The following STK3 variants were observed in gnomAD, a reference collection of about 807,000 sequenced individuals.
The protein encoded by STK3 is serine/threonine kinase 3.
STK3 carries 41 observed loss-of-function variants against 58.0 expected under a neutral mutation model. That is an observed-to-expected ratio of 0.71 (90% CI 0.55 to 0.92). The LOEUF is 0.92. STK3 is among the 40% of genes least tolerant of loss of function. The probability of loss-of-function intolerance (pLI) is 0.00; values close to 1 mark genes in which losing one functional copy is unlikely to be tolerated. For synonymous variants in STK3, 170 were observed against 191.0 expected (o/e 0.89, Z 0.91); for missense variants, 479 against 602.7 (o/e 0.79, Z 2.15).
At chr8:98,650,359 G>C (rs1820783131) in intron 6 of STK3, among the ~76,000 whole-genome samples, 1 of 152,244 alleles carries the variant, frequency 6.6e-6, no homozygotes, top group South Asian at 2.1e-4. Context: ...CCGGAGGGCA[G>C]CCAAGATGAC....
chr8:98,555,780 A>G (rs1811542025), intron 8 of STK3, among the ~76,000 whole-genome samples: 2 of 152,172 alleles, frequency 1.3e-5, no homozygotes, highest in Admixed American at 6.6e-5. Flanking sequence ...TGTAACAAAC[A>G]TACTACAAAT....
chr8:98,750,530 G>A (rs1198232128), intron 3 of STK3, among the ~76,000 whole-genome samples: 2 of 151,320 alleles, frequency 1.3e-5, no homozygotes, highest in Non-Finnish European at 2.9e-5. Context: ...GAGGTTAAGA[G>A]AAGACTGTCA....
At chr8:98,583,843 G>T (rs1261765113) in intron 7 of STK3, among the ~76,000 whole-genome samples, 1 of 147,688 alleles carries the variant, frequency 6.8e-6, no homozygotes, top group Non-Finnish European at 1.5e-5. Context: ...GAGAGAGAGT[G>T]TATGTGTGTG....
At chr8:98,850,261 A>G (rs1191123411) in intron 3 of STK3, among the ~76,000 whole-genome samples, 1 of 152,094 alleles carries the variant, frequency 6.6e-6, no homozygotes, top group Non-Finnish European at 1.5e-5. Flanking sequence ...ACAGCTTTGA[A>G]CTCCTGGACT....
intron 1 of STK3, among the ~76,000 whole-genome samples, chr8:98,814,275 T>C (rs1465569408): frequency 6.6e-6 from 1 of 151,818 alleles, no homozygotes; most frequent in African/African-American, 2.4e-5. Flanking sequence ...GGTCTCGAAC[T>C]CCTGACCTCA....
intron 6 of STK3, among the ~76,000 whole-genome samples, chr8:98,620,833 A>T (rs1470798369): frequency 6.6e-6 from 1 of 151,944 alleles, no homozygotes; most frequent in South Asian, 2.1e-4. Context: ...GTTTCTAAAT[A>T]TATTTTTGTT....
rs968753796 is a variant in STK3 at position 98,788,310 on chromosome 8, C to T, written c.27-13491G>A. On this transcript the variant is annotated intron_variant, in intron 1 of 10. Transcript: ENST00000419617. ...AAAATTAGCCGGGCGTGGTGGTGCG[C>T]GCCTGTAATCCCAGCTACTCAGGAG... 7.3e-5 allele frequency among the ~76,000 whole-genome samples: 11 copies of T among 151,720 alleles called. No homozygotes were observed. In the East Asian group the frequency reaches 7.7e-4, roughly 11 times the overall value.
chr8:98,862,794 T>C (rs559541593), intron 3 of STK3, among the ~76,000 whole-genome samples: 34 of 152,360 alleles, frequency 2.2e-4, no homozygotes, highest in Middle Eastern at 6.8e-3. Context: ...GTGACCTATG[T>C]GAGGCTCTTA....
chr8:98,647,103 C>G (rs1181170155), intron 6 of STK3, among the ~76,000 whole-genome samples: 1 of 152,142 alleles, frequency 6.6e-6, no homozygotes, highest in Non-Finnish European at 1.5e-5. Flanking sequence ...ACTTCTTTGT[C>G]CCTAGATCAC....
downstream of STK3, among the ~76,000 whole-genome samples, chr8:98,371,069 G>A (rs1407857161): frequency 6.6e-6 from 1 of 152,196 alleles, no homozygotes; most frequent in Non-Finnish European, 1.5e-5. Flanking sequence ...GAAGGTCCCA[G>A]AGGAGCACCC....
downstream of STK3, chr8:98,881,219 G>A (rs1837779999): frequency 3.9e-5 from 6 of 152,136 alleles, no homozygotes; most frequent in Admixed American, 3.9e-4. Context: ...ATCAAGCCAC[G>A]AAAAGACATA....
In STK3 at chr8:98,652,127, G is replaced by A. The variant is rs149464222; in HGVS notation, c.684+54340C>T. Among the ~76,000 whole-genome samples, 843 of 152,256 alleles carry A rather than the reference G, an allele frequency of 5.5e-3. 9 individuals carry two copies. Among genetic ancestry groups the A allele is most frequent in the African/African-American group, 0.019 (801 of 41,556 alleles). ...AAGGGAAGCCCCTCAGACCAACAGCGGATCTCTCGGCAAAACTCTACAAGC... is the reference window on the plus strand; with the variant it reads ...AAGGGAAGCCCCTCAGACCAACAGCAGATCTCTCGGCAAAACTCTACAAGC... On this transcript the variant is annotated intron_variant, in intron 6 of 10. Transcript: ENST00000419617.
At chr8:98,673,559 T>C (rs1001978054) in intron 6 of STK3, among the ~76,000 whole-genome samples, 2 of 151,278 alleles carry the variant, frequency 1.3e-5, no homozygotes, top group Admixed American at 6.6e-5. Context: ...TATAAATCCA[T>C]AAAGACAGAA....
intron 3 of STK3, among the ~76,000 whole-genome samples, chr8:98,421,583 CTGGCT>C (rs1344245455): frequency 6.6e-6 from 1 of 152,078 alleles, no homozygotes; most frequent in Non-Finnish European, 1.5e-5. Context: ...TGAGACCAGC[CTGGCT>C]AACATGGTGA....
intron 2 of STK3, among the ~76,000 whole-genome samples, chr8:98,372,112 G>A (rs1033089896): frequency 6.6e-6 from 1 of 152,096 alleles, no homozygotes; most frequent in South Asian, 2.1e-4. Context: ...CAGTTGCAAG[G>A]CATGGAATAT....
intron 3 of STK3, chr8:98,427,652 T>A: frequency 5.3e-6 from 1 of 187,508 alleles, no homozygotes; most frequent in East Asian, 1.3e-4. Flanking sequence ...GGCCTGCCCA[T>A]GGACAAGGTC....
At chr8:98,371,319 C>A (rs1057469093), downstream of STK3, 5 of 152,216 alleles carry the variant, frequency 3.3e-5, no homozygotes, top group Admixed American at 1.3e-4. Context: ...GCTATGTGTA[C>A]TTCCCTGTAC....
At chr8:98,563,011 T>A in intron 8 of STK3, among the ~76,000 whole-genome samples, 1 of 134,990 alleles carries the variant, frequency 7.4e-6, no homozygotes, top group Non-Finnish European at 1.6e-5. Flanking sequence ...AAATGTAGAA[T>A]GTGGCAAAAA....
At chr8:98,480,326 T>C (rs1354945301) in intron 10 of STK3, among the ~76,000 whole-genome samples, 2 of 152,136 alleles carry the variant, frequency 1.3e-5, no homozygotes, top group Non-Finnish European at 1.5e-5. Flanking sequence ...AGGGCAACAA[T>C]TGGAATCATC....
Sources: allele counts gnomAD v4.1 joint callset (sites outside exome capture counted in the v4.1 genomes callset), GRCh38; gene constraint gnomAD v4.1.1; transcripts MANE v1.5; gene names NCBI Gene and HGNC (gene_info 2026-07-23, HGNC 2026-07-21).